Variants in FHOD3 observed in about 807,000 individuals in gnomAD.
The protein encoded by FHOD3 is FH1/FH2 domain-containing protein 3.
In FHOD3, 90 loss-of-function variants were observed where a neutral mutation model predicts 173.0. That is an observed-to-expected ratio of 0.52 (90% CI 0.44 to 0.62). The LOEUF (loss-of-function observed/expected upper bound fraction) is 0.62, where lower values mean the gene tolerates loss of function less well. Among genes scored for constraint, FHOD3 ranks in the 20% least tolerant of loss-of-function variants. FHOD3 has a pLI of 0.00. For missense variants in FHOD3, 1,945 were observed against 2,034.7 expected, an observed-to-expected ratio of 0.96 and a Z score of 0.85; for synonymous variants, 828 against 823.0, an observed-to-expected ratio of 1.01 and a Z score of -0.10.
chr18:36,482,680 T>C (rs552446897), intron 3 of FHOD3, among the ~76,000 whole-genome samples: 16 of 152,302 alleles, frequency 1.1e-4, no homozygotes, highest in African/African-American at 3.4e-4. Context: ...TCCTGTCTTA[T>C]ACTTTGTGTA....
chr18:36,615,753 T>G (rs1010289095), intron 9 of FHOD3, among the ~76,000 whole-genome samples: 1 of 152,240 alleles, frequency 6.6e-6, no homozygotes, highest in Non-Finnish European at 1.5e-5. Flanking sequence ...CCGCTAGATC[T>G]CTAGGGAAGA....
chr18:36,696,838 T>TG (rs1170739320), intron 17 of FHOD3, among the ~76,000 whole-genome samples: 15 of 152,240 alleles, frequency 9.9e-5, no homozygotes, highest in Admixed American at 8.5e-4. Flanking sequence ...TTGGAATTAA[T>TG]GGAGTCAGCC....
intron 10 of FHOD3, among the ~76,000 whole-genome samples, chr18:36,646,959 G>A (rs1294468249): frequency 2.0e-5 from 3 of 152,158 alleles, no homozygotes; most frequent in Non-Finnish European, 4.4e-5. Context: ...TTCTTCGGCC[G>A]GGTGCGGTGG....
Position 36,780,111 on chromosome 18 carries a change from C to T in FHOD3, c.*581C>T, listed in dbSNP as rs747765367. ...AGGACCTTAAACAGTTCCACAGGCT[C>T]GCCTCTTCAGAATGGCAAAACTCTT... is the stretch of plus-strand genomic sequence containing the variant. On this transcript the variant is annotated 3_prime_UTR_variant, in exon 29 of 29. Transcript: ENST00000590592. The T allele has an allele frequency of 9.3e-5, 115 of 1,230,918 alleles. No individual in the cohort carries two copies. The highest frequency in any genetic ancestry group is 1.1e-4 in the Non-Finnish European group (108 of 987,038). 76.2% of individuals were successfully genotyped at this position (1,230,918 alleles called of 1,614,324 possible).
intron 4 of FHOD3, among the ~76,000 whole-genome samples, chr18:36,509,443 A>AG (rs1206548884): frequency 5.7e-5 from 3 of 52,658 alleles, no homozygotes; most frequent in Admixed American, 1.6e-4. Context: ...AAAAAAAAAG[A>AG]AAAAAAAAAG....
At chr18:36,365,108 ACCATAGT>A (rs2038412232) in intron 2 of FHOD3, among the ~76,000 whole-genome samples, 1 of 152,164 alleles carries the variant, frequency 6.6e-6, no homozygotes. Context: ...CTGAAAACAG[ACCATAGT>A]CCTAAGTGTA....
At chr18:36,678,205 T>A (rs621214) in intron 14 of FHOD3, among the ~76,000 whole-genome samples, 3 of 151,920 alleles carry the variant, frequency 2.0e-5, no homozygotes, top group African/African-American at 7.3e-5. Flanking sequence ...AACATCCTTA[T>A]ATTATTTTTA....
At chr18:36,438,381 G>A (rs1568271851) in intron 3 of FHOD3, among the ~76,000 whole-genome samples, 1 of 152,100 alleles carries the variant, frequency 6.6e-6, no homozygotes, top group Non-Finnish European at 1.5e-5. Context: ...GGGCACTGGA[G>A]GGCATTCACC....
At chr18:36,375,787 T>C (rs535527219) in intron 3 of FHOD3, among the ~76,000 whole-genome samples, 1 of 152,088 alleles carries the variant, frequency 6.6e-6, no homozygotes, top group Non-Finnish European at 1.5e-5. Flanking sequence ...CTCTGAAGCA[T>C]TTGGCCGGAG....
intron 27 of FHOD3, among the ~76,000 whole-genome samples, chr18:36,767,708 T>A (rs2043200124): frequency 6.6e-6 from 1 of 152,194 alleles, no homozygotes; most frequent in Middle Eastern, 3.2e-3. Context: ...GTGTCCTGGC[T>A]CTCCTTTTGC....
chr18:36,517,738 A>G (rs1033421547), intron 5 of FHOD3, among the ~76,000 whole-genome samples: 1 of 152,230 alleles, frequency 6.6e-6, no homozygotes, highest in African/African-American at 2.4e-5. Flanking sequence ...AACTGCAGAT[A>G]TATTTTGTTT....
chr18:36,362,960 C>T (rs2046708394), intron 2 of FHOD3, among the ~76,000 whole-genome samples: 1 of 152,032 alleles, frequency 6.6e-6, no homozygotes, highest in Non-Finnish European at 1.5e-5. Context: ...AAGAAAACAA[C>T]CTGATTAAAA....
intron 4 of FHOD3, among the ~76,000 whole-genome samples, chr18:36,508,646 CAA>C (rs56780791): frequency 0.087 from 9,514 of 109,026 alleles, 551 homozygotes; most frequent in East Asian, 0.3. Flanking sequence ...AATGGATTGA[CAA>C]AAAAAAAAAA....
chr18:36,498,960 A>G (rs1022515809), intron 3 of FHOD3, among the ~76,000 whole-genome samples: 2 of 152,224 alleles, frequency 1.3e-5, no homozygotes, highest in Admixed American at 6.5e-5. Context: ...AAACAATAAT[A>G]TGTCACTAGT....
At chr18:36,318,567 C>A (rs185252409) in intron 1 of FHOD3, among the ~76,000 whole-genome samples, 2 of 152,266 alleles carry the variant, frequency 1.3e-5, no homozygotes, top group East Asian at 3.9e-4. Context: ...GAATTTTGCA[C>A]ATTGATTTTG....
chr18:36,707,682 G>GC (rs1458066433), intron 17 of FHOD3, among the ~76,000 whole-genome samples: 9 of 152,266 alleles, frequency 5.9e-5, no homozygotes, highest in African/African-American at 2.2e-4. Context: ...TAATGCCCAT[G>GC]CCCAGCCTGC....
chr18:36,638,002 T>A (rs945362819), intron 10 of FHOD3, among the ~76,000 whole-genome samples: 2 of 152,248 alleles, frequency 1.3e-5, no homozygotes, highest in African/African-American at 2.4e-5. Flanking sequence ...ATGTTTTTTT[T>A]AAAATCTAGA....
chr18:36,587,579 G>A (rs1335686415), intron 6 of FHOD3, among the ~76,000 whole-genome samples: 1 of 152,128 alleles, frequency 6.6e-6, no homozygotes, highest in Non-Finnish European at 1.5e-5. Flanking sequence ...ATCATCTGAG[G>A]TCGGGAGTTT....
At chr18:36,729,746 T>G (rs2041258853) in intron 19 of FHOD3, among the ~76,000 whole-genome samples, 1 of 152,170 alleles carries the variant, frequency 6.6e-6, no homozygotes. Context: ...ATATCATCAC[T>G]TTGGGGGTTA....
Sources: gnomAD v4.1 joint callset for allele counts (sites outside exome capture counted in the v4.1 genomes callset) on GRCh38, gnomAD v4.1.1 for gene constraint, MANE v1.5 for transcripts, NCBI Gene and HGNC (gene_info 2026-07-23, HGNC 2026-07-21) for gene names.